Variants in BCAS4 observed in about 807,000 individuals in gnomAD.
BCAS4 encodes breast carcinoma-amplified sequence 4.
Under a neutral mutation model 15.7 loss-of-function variants are expected in BCAS4, and 9 were observed. The ratio of observed to expected loss-of-function variants is 0.57; its 90% confidence interval spans 0.34 to 1.00. The LOEUF (loss-of-function observed/expected upper bound fraction) is 1.00, where lower values mean the gene tolerates loss of function less well. Among genes scored for constraint, BCAS4 ranks in the 50% least tolerant of loss-of-function variants. The probability of loss-of-function intolerance (pLI) is 0.02; values close to 1 mark genes in which losing one functional copy is unlikely to be tolerated. For missense variants in BCAS4, 225 were observed against 239.1 expected, an observed-to-expected ratio of 0.94 and a Z score of 0.39; for synonymous variants, 101 against 99.5, an observed-to-expected ratio of 1.02 and a Z score of -0.09.
rs574862321 is a variant in BCAS4 at position 50,812,111 on chromosome 20, A to G, written c.91-6100A>G. On this transcript the variant is annotated intron_variant, in intron 1 of 4. Coordinates refer to ENST00000371608, the MANE Select transcript of BCAS4 (RefSeq NM_198799.4). Reference sequence around the variant, plus strand: ...TATTTGTTCATTCATCACTTAATGGATATTGGGTCGTGTCTACTTTTTATT... The same window carrying G: ...TATTTGTTCATTCATCACTTAATGGGTATTGGGTCGTGTCTACTTTTTATT... Among the ~76,000 whole-genome samples, 12 of 152,030 alleles carry G rather than the reference A, an allele frequency of 7.9e-5. No individual in the cohort carries two copies. In the South Asian group the frequency reaches 2.5e-3, roughly 32 times the overall value.
chr20:50,876,797 GCCTT>G lies in BCAS4; in HGVS notation c.*192_*195del. On this transcript the variant is annotated 3_prime_UTR_variant, in exon 5 of 5. Transcript: ENST00000371608. Reference sequence around the variant, plus strand: ...GGGCTCAAGTGATCCACCCACCTTGGCCTTCCAAAGTGGTGGGATTATGGGCAGG... The same window carrying G: ...GGGCTCAAGTGATCCACCCACCTTGGCCAAAGTGGTGGGATTATGGGCAGG... 2 of 687,986 alleles carry G rather than the reference GCCTT, an allele frequency of 2.9e-6. No individual in the cohort carries two copies. The highest frequency in any genetic ancestry group is 4.1e-6 in the Non-Finnish European group (2 of 492,736). 42.6% of individuals were successfully genotyped at this position (687,986 alleles called of 1,614,324 possible).
chr20:50,868,507 C>T (rs1471363467), intron 4 of BCAS4, among the ~76,000 whole-genome samples: 4 of 152,202 alleles, frequency 2.6e-5, no homozygotes, highest in Admixed American at 1.3e-4. Flanking sequence ...ACTGCAGCCT[C>T]GACCTCCAGG....
At chr20:50,804,989 G>A (rs2087972965) in intron 1 of BCAS4, among the ~76,000 whole-genome samples, 1 of 152,110 alleles carries the variant, frequency 6.6e-6, no homozygotes, top group South Asian at 2.1e-4. Context: ...TTCATCTTGT[G>A]CATAGAGATG....
intron 2 of BCAS4, among the ~76,000 whole-genome samples, chr20:50,829,944 G>T (rs889029050): frequency 1.3e-5 from 2 of 152,160 alleles, no homozygotes; most frequent in East Asian, 3.8e-4. Context: ...TTTGACTTTG[G>T]TTTAGAGAAG....
intron 1 of BCAS4, among the ~76,000 whole-genome samples, chr20:50,813,102 C>T (rs1324832757): frequency 6.6e-6 from 1 of 152,132 alleles, no homozygotes; most frequent in Non-Finnish European, 1.5e-5. Context: ...TAAATGTGTG[C>T]GCCACTGTGC....
chr20:50,816,323 G>A (rs2088137023), intron 1 of BCAS4, among the ~76,000 whole-genome samples: 1 of 152,212 alleles, frequency 6.6e-6, no homozygotes, highest in Admixed American at 6.5e-5. Flanking sequence ...ACTACGCCTG[G>A]CCAAACCGCT....
intron 1 of BCAS4, among the ~76,000 whole-genome samples, chr20:50,799,682 GC>G (rs1414461288): frequency 1.5e-4 from 23 of 152,304 alleles, no homozygotes; most frequent in African/African-American, 5.5e-4. Context: ...CTCGGTATGT[GC>G]CAAGTCTTTC....
At chr20:50,832,915 T>C (rs888091628) in intron 3 of BCAS4, 3 of 152,250 alleles carry the variant, frequency 2.0e-5, no homozygotes, top group African/African-American at 7.2e-5. Context: ...GGATCCCTTT[T>C]GCCAAGGAAG....
intron 2 of BCAS4, among the ~76,000 whole-genome samples, chr20:50,823,489 C>T (rs1053785400): frequency 6.6e-6 from 1 of 152,148 alleles, no homozygotes; most frequent in African/African-American, 2.4e-5. Context: ...GACTGCTATA[C>T]ACAGCAACAT....
chr20:50,827,288 T>C (rs956652563), intron 2 of BCAS4, among the ~76,000 whole-genome samples: 1 of 152,192 alleles, frequency 6.6e-6, no homozygotes, highest in Non-Finnish European at 1.5e-5. Flanking sequence ...TTTGTGATGT[T>C]TTTCATGTGG....
chr20:50,849,415 C>A (rs1368902511), intron 4 of BCAS4, among the ~76,000 whole-genome samples: 5 of 152,134 alleles, frequency 3.3e-5, no homozygotes, highest in African/African-American at 7.2e-5. Context: ...CCTGGGGAGA[C>A]CGTGCTTGCT....
At chr20:50,834,712 C>G (rs2088385767) in intron 3 of BCAS4, among the ~76,000 whole-genome samples, 1 of 152,206 alleles carries the variant, frequency 6.6e-6, no homozygotes, top group Admixed American at 6.5e-5. Context: ...CTATTAGCAA[C>G]CATTCCCCAG....
chr20:50,827,820 G>A (rs1010799728), intron 2 of BCAS4, among the ~76,000 whole-genome samples: 15 of 152,280 alleles, frequency 9.9e-5, no homozygotes, highest in South Asian at 4.1e-4. Flanking sequence ...TCTGTTTACC[G>A]GGTTTAAGCG....
chr20:50,857,162 G>T lies in BCAS4; in HGVS notation c.399+15262G>T, dbSNP rs181014782. Among the ~76,000 whole-genome samples the T allele has an allele frequency of 5.9e-5, 9 of 152,160 alleles. No individual in the cohort carries two copies. In the East Asian group the frequency reaches 1.4e-3, roughly 23 times the overall value. Reference sequence around the variant, plus strand: ...TTCCTTTTTTTTGAGACAGAGTTTCGCTCTTGTTGCCCAGGCCGGAGTGCA... The same window carrying T: ...TTCCTTTTTTTTGAGACAGAGTTTCTCTCTTGTTGCCCAGGCCGGAGTGCA... On this transcript the variant is annotated intron_variant, in intron 4 of 4. Transcript: ENST00000371608.
intron 1 of BCAS4, among the ~76,000 whole-genome samples, chr20:50,802,237 G>A (rs538172887): frequency 5.3e-5 from 8 of 152,254 alleles, no homozygotes; most frequent in East Asian, 1.9e-4. Context: ...ACGTGGCTGC[G>A]GTGTTAGAAT....
chr20:50,795,275 G>T, intron 1 of BCAS4, 102 bp downstream of exon 1: 15 of 1,076,552 alleles, frequency 1.4e-5, no homozygotes, highest in Admixed American at 4.1e-5. Context: ...CTCCCGGAGT[G>T]GGGGGCCCGG....
chr20:50,839,855 G>A (rs1000713809), intron 3 of BCAS4, among the ~76,000 whole-genome samples: 5 of 152,204 alleles, frequency 3.3e-5, no homozygotes, highest in African/African-American at 9.7e-5. Flanking sequence ...ATAAAATGGA[G>A]GCTGATAGAA....
intron 3 of BCAS4, among the ~76,000 whole-genome samples, chr20:50,835,991 C>T (rs760839098): frequency 1.3e-4 from 20 of 151,754 alleles, no homozygotes; most frequent in Admixed American, 5.9e-4. Flanking sequence ...GATCTCGGCT[C>T]ACTGCAACCT....
intron 2 of BCAS4, among the ~76,000 whole-genome samples, chr20:50,818,571 C>T (rs1287169144): frequency 6.6e-6 from 1 of 152,234 alleles, no homozygotes; most frequent in Non-Finnish European, 1.5e-5. Flanking sequence ...CAAGGTGGCA[C>T]TCTCGGGCAC....
Sources: gnomAD v4.1 joint callset for allele counts (sites outside exome capture counted in the v4.1 genomes callset) on GRCh38, gnomAD v4.1.1 for gene constraint, MANE v1.5 for transcripts, NCBI Gene and HGNC (gene_info 2026-07-23, HGNC 2026-07-21) for gene names.